NRXN3: variants seen among roughly 807,000 people sequenced by gnomAD.
NRXN3 encodes neurexin 3, also known as neurexin III.
NRXN3 carries 32 observed loss-of-function variants against 137.6 expected under a neutral mutation model. That is an observed-to-expected ratio of 0.23 (90% confidence interval 0.18 to 0.31). The LOEUF (loss-of-function observed/expected upper bound fraction) is 0.31, where lower values mean the gene tolerates loss of function less well. Among genes scored for constraint, NRXN3 ranks in the 10% least tolerant of loss-of-function variants. NRXN3 has a pLI of 1.00. For missense variants in NRXN3, 1,574 were observed against 2,062.5 expected, an observed-to-expected ratio of 0.76 and a Z score of 4.59; for synonymous variants, 798 against 784.5, an observed-to-expected ratio of 1.02 and a Z score of -0.29.
At chr14:78,381,456 G>T (rs888104812) in intron 4 of NRXN3, among the ~76,000 whole-genome samples, 1 of 152,168 alleles carries the variant, frequency 6.6e-6, no homozygotes, top group Non-Finnish European at 1.5e-5. Context: ...AGTGAAACTG[G>T]ATCACTCATA....
chr14:79,559,444 G>A (rs1165250007), intron 16 of NRXN3, among the ~76,000 whole-genome samples: 11 of 152,092 alleles, frequency 7.2e-5, no homozygotes, highest in Non-Finnish European at 1.6e-4. Flanking sequence ...AGAGATTAGC[G>A]AGTGGCTGGT....
At chr14:78,650,478 G>T (rs2097730281) in intron 5 of NRXN3, among the ~76,000 whole-genome samples, 1 of 151,900 alleles carries the variant, frequency 6.6e-6, no homozygotes, top group Admixed American at 6.6e-5. Context: ...TGTTCTTAGA[G>T]TTGCCTTTTT....
intron 4 of NRXN3, among the ~76,000 whole-genome samples, chr14:78,462,513 C>T (rs190194379): frequency 6.6e-5 from 10 of 152,202 alleles, no homozygotes; most frequent in Admixed American, 6.5e-4. Flanking sequence ...TTCTCTCTTC[C>T]CCTGTCTTAG....
intron 16 of NRXN3, among the ~76,000 whole-genome samples, chr14:79,505,215 C>CA (rs111560292): frequency 0.22 from 20,819 of 92,904 alleles, 1,720 homozygotes; most frequent in Admixed American, 0.26. Context: ...AACTCCATCT[C>CA]AAAAAAAAAA....
chr14:79,366,631 T>G (rs2093904128), intron 15 of NRXN3, among the ~76,000 whole-genome samples: 1 of 152,230 alleles, frequency 6.6e-6, no homozygotes, highest in Non-Finnish European at 1.5e-5. Context: ...TCACTAATTT[T>G]GGGCATCTCT....
intron 16 of NRXN3, among the ~76,000 whole-genome samples, chr14:79,481,910 C>G (rs1345853748): frequency 6.6e-6 from 1 of 151,944 alleles, no homozygotes; most frequent in Non-Finnish European, 1.5e-5. Flanking sequence ...GGCCACAGGA[C>G]TGGTTGAGTC....
At chr14:79,856,736 C>G (rs2099403501) in intron 20 of NRXN3, among the ~76,000 whole-genome samples, 1 of 151,804 alleles carries the variant, frequency 6.6e-6, no homozygotes, top group African/African-American at 2.4e-5. Context: ...GGCAGTGAGC[C>G]CCTTTTGCTG....
intron 15 of NRXN3, among the ~76,000 whole-genome samples, chr14:78,992,804 T>A (rs1414412003): frequency 1.3e-5 from 2 of 152,212 alleles, no homozygotes; most frequent in East Asian, 1.9e-4. Flanking sequence ...GTTTGGTTAT[T>A]GCTTCTGGTG....
chr14:79,383,831 T>C (rs1449366394), intron 15 of NRXN3, among the ~76,000 whole-genome samples: 1 of 152,196 alleles, frequency 6.6e-6, no homozygotes, highest in African/African-American at 2.4e-5. Context: ...TGCTGCCTCT[T>C]AGTATTCATA....
intron 15 of NRXN3, among the ~76,000 whole-genome samples, chr14:79,277,543 T>G (rs2080488286): frequency 6.6e-6 from 1 of 152,236 alleles, no homozygotes; most frequent in South Asian, 2.1e-4. Context: ...ATTTTTCTAG[T>G]GGACAAAGAA....
chr14:78,840,739 C>A (rs552158849), intron 10 of NRXN3, among the ~76,000 whole-genome samples: 771 of 152,256 alleles, frequency 5.1e-3, no homozygotes, highest in South Asian at 8.5e-3. Flanking sequence ...CTTTCACATT[C>A]GCTCCATTAG....
At chr14:79,262,895 T>A (rs534962715) in intron 15 of NRXN3, among the ~76,000 whole-genome samples, 2 of 152,280 alleles carry the variant, frequency 1.3e-5, no homozygotes, top group South Asian at 4.1e-4. Flanking sequence ...CTCTACTTTA[T>A]CATCTTTTAG....
chr14:79,180,341 G>A (rs950827974), intron 15 of NRXN3, among the ~76,000 whole-genome samples: 1 of 152,154 alleles, frequency 6.6e-6, no homozygotes, highest in Non-Finnish European at 1.5e-5. Flanking sequence ...TGAAATCATA[G>A]TCTCTAGCAA....
intron 4 of NRXN3, among the ~76,000 whole-genome samples, chr14:78,523,155 G>A (rs2096310553): frequency 6.6e-6 from 1 of 152,164 alleles, no homozygotes; most frequent in African/African-American, 2.4e-5. Context: ...CACTGCCCTT[G>A]TTTTCCAGAT....
intron 3 of NRXN3, among the ~76,000 whole-genome samples, chr14:78,279,941 A>G (rs957597614): frequency 6.6e-6 from 1 of 152,234 alleles, no homozygotes; most frequent in African/African-American, 2.4e-5. Context: ...AGTAGAATAC[A>G]GTTATTCTAC....
chr14:79,612,413 T>A (rs2098114155), intron 16 of NRXN3, among the ~76,000 whole-genome samples: 1 of 152,142 alleles, frequency 6.6e-6, no homozygotes, highest in Non-Finnish European at 1.5e-5. Flanking sequence ...TACAGTGATC[T>A]TTTTGCTGGT....
At chr14:78,843,887 A>G (rs906573577) in intron 10 of NRXN3, among the ~76,000 whole-genome samples, 46 of 152,128 alleles carry the variant, frequency 3.0e-4, no homozygotes, top group African/African-American at 1.1e-3. Flanking sequence ...TCAGGTCTGC[A>G]GCCTTGCATT....
At chr14:78,318,446 C>T (rs1283334526) in intron 4 of NRXN3, among the ~76,000 whole-genome samples, 1 of 152,176 alleles carries the variant, frequency 6.6e-6, no homozygotes, top group Admixed American at 6.5e-5. Context: ...AGGCAGCCCT[C>T]TAGTCTCAAG....
chr14:78,441,255 A>G (rs2094236090), intron 4 of NRXN3, among the ~76,000 whole-genome samples: 1 of 152,056 alleles, frequency 6.6e-6, no homozygotes, highest in Non-Finnish European at 1.5e-5. Context: ...CCTCATCCAG[A>G]TATATTCTTG....
Sources: allele counts gnomAD v4.1 joint callset (sites outside exome capture counted in the v4.1 genomes callset), GRCh38; gene constraint gnomAD v4.1.1; transcripts MANE v1.5; gene names NCBI Gene and HGNC (gene_info 2026-07-23, HGNC 2026-07-21).